Variants in SGCD observed in about 807,000 individuals in gnomAD.
SGCD encodes delta-sarcoglycan.
Under a neutral mutation model 36.6 loss-of-function variants are expected in SGCD, and 18 were observed. The ratio of observed to expected loss-of-function variants is 0.49; its 90% CI spans 0.34 to 0.73. The LOEUF (loss-of-function observed/expected upper bound fraction) is 0.73, where lower values mean the gene tolerates loss of function less well. SGCD is among the 30% of genes least tolerant of loss of function. The pLI is 0.01. For synonymous variants in SGCD, 133 were observed against 130.6 expected, an observed-to-expected ratio of 1.02 and a Z score of -0.12; for missense variants, 387 against 346.7, an observed-to-expected ratio of 1.12 and a Z score of -0.92.
At chr5:155,958,744 G>A (rs1757719423) in intron 1 of SGCD, among the ~76,000 whole-genome samples, 1 of 152,138 alleles carries the variant, frequency 6.6e-6, no homozygotes, top group Non-Finnish European at 1.5e-5. Context: ...CTTCATCTGT[G>A]AGATGGGGAT....
chr5:156,254,839 C>A (rs1765675323), intron 3 of SGCD, among the ~76,000 whole-genome samples: 1 of 152,022 alleles, frequency 6.6e-6, no homozygotes, highest in South Asian at 2.1e-4. Flanking sequence ...ACAGCAAGAC[C>A]CTGCCTCTTA....
chr5:155,836,114 T>C, the SGCD span, among the ~76,000 whole-genome samples: 2 of 152,218 alleles, frequency 1.3e-5, no homozygotes, highest in Non-Finnish European at 2.9e-5. Context: ...TACTTCAGTT[T>C]CCCTTGCTCA....
intron 3 of SGCD, among the ~76,000 whole-genome samples, chr5:156,407,767 G>C (rs1270713468): frequency 6.6e-6 from 1 of 152,096 alleles, no homozygotes; most frequent in Non-Finnish European, 1.5e-5. Context: ...TTCTCTCACA[G>C]GTATATGATT....
the SGCD span, among the ~76,000 whole-genome samples, chr5:155,839,047 G>C: frequency 6.6e-6 from 1 of 152,038 alleles, no homozygotes; most frequent in East Asian, 1.9e-4. Context: ...TAGGGAAAGA[G>C]GTGGGTAGGA....
the SGCD span, among the ~76,000 whole-genome samples, chr5:155,858,416 C>T: frequency 6.6e-6 from 1 of 152,128 alleles, no homozygotes; most frequent in East Asian, 1.9e-4. Flanking sequence ...ACTCAGAAAA[C>T]TTGTTTTAAA....
At chr5:156,477,667 A>C (rs1755242391) in intron 3 of SGCD, among the ~76,000 whole-genome samples, 1 of 142,058 alleles carries the variant, frequency 7.0e-6, no homozygotes, top group Non-Finnish European at 1.5e-5. Context: ...TAGACAACAC[A>C]GCTTAAAAGT....
chr5:156,672,413 G>C (rs1284206284), intron 7 of SGCD, among the ~76,000 whole-genome samples: 1 of 152,086 alleles, frequency 6.6e-6, no homozygotes, highest in African/African-American at 2.4e-5. Context: ...TTCTCACAGA[G>C]ACCTAAACAA....
chr5:156,026,179 CTTG>C (rs1256943878), intron 1 of SGCD, among the ~76,000 whole-genome samples: 1 of 152,164 alleles, frequency 6.6e-6, no homozygotes, highest in Non-Finnish European at 1.5e-5. Flanking sequence ...GCAAAAAATA[CTTG>C]TTGTTAGATT....
chr5:155,879,302 A>G (rs1031162300), intron 1 of SGCD, among the ~76,000 whole-genome samples: 35 of 152,176 alleles, frequency 2.3e-4, no homozygotes, highest in Non-Finnish European at 3.1e-4. Flanking sequence ...TAAAACTGTA[A>G]TGCATTTTGT....
intron 3 of SGCD, among the ~76,000 whole-genome samples, chr5:156,126,617 G>A (rs1468298514): frequency 1.3e-5 from 2 of 152,224 alleles, no homozygotes; most frequent in African/African-American, 4.8e-5. Flanking sequence ...AAATGAGGCA[G>A]TGTTGGTACT....
chr5:155,959,414 A>G (rs1378233300), intron 1 of SGCD, among the ~76,000 whole-genome samples: 1 of 152,118 alleles, frequency 6.6e-6, no homozygotes, highest in African/African-American at 2.4e-5. Flanking sequence ...ATTTCCTAGT[A>G]GGTCCCAAAC....
chr5:156,674,982 C>T (rs1753450735), intron 7 of SGCD, among the ~76,000 whole-genome samples: 1 of 152,054 alleles, frequency 6.6e-6, no homozygotes, highest in Non-Finnish European at 1.5e-5. Flanking sequence ...TCTTGTTTGC[C>T]ATAATGAAAA....
chr5:156,184,349 G>A (rs1319638879), intron 3 of SGCD, among the ~76,000 whole-genome samples: 1 of 148,868 alleles, frequency 6.7e-6, no homozygotes, highest in Non-Finnish European at 1.5e-5. Context: ...GTGGGGATAT[G>A]AGGAAGGCTG....
intron 1 of SGCD, among the ~76,000 whole-genome samples, chr5:156,088,048 C>T (rs141816077): frequency 6.6e-6 from 1 of 152,290 alleles, no homozygotes; most frequent in Non-Finnish European, 1.5e-5. Flanking sequence ...TCGCTTGCAG[C>T]CATCCCCCTT....
chr5:156,108,231 A>G (rs1034912352), intron 1 of SGCD, among the ~76,000 whole-genome samples: 1 of 152,126 alleles, frequency 6.6e-6, no homozygotes, highest in Non-Finnish European at 1.5e-5. Context: ...TGTTAATTAA[A>G]AAAATTTAAA....
At chr5:155,888,360 C>T (rs1756052288) in intron 1 of SGCD, among the ~76,000 whole-genome samples, 1 of 152,180 alleles carries the variant, frequency 6.6e-6, no homozygotes, top group Admixed American at 6.5e-5. Flanking sequence ...CCAGTATTCT[C>T]ATGTTCCTGT....
At chr5:156,620,698 G>A (rs1762210264) in intron 6 of SGCD, among the ~76,000 whole-genome samples, 1 of 152,204 alleles carries the variant, frequency 6.6e-6, no homozygotes, top group Admixed American at 6.5e-5. Context: ...GACAGAGGAG[G>A]TGGAATGAGC....
intron 3 of SGCD, among the ~76,000 whole-genome samples, chr5:156,153,117 G>A (rs960241901): frequency 2.0e-5 from 3 of 151,696 alleles, no homozygotes; most frequent in African/African-American, 7.3e-5. Flanking sequence ...TTGTTCAAAC[G>A]TTTCAAACCA....
rs568095603 is a variant in SGCD at position 156,075,847 on chromosome 5, T to G, written c.-281-42031T>G. ...AGAGTCCATTGGATCATCTTCATCATTTTCTACTTGCAGCTCATCTCCAGA... is the reference window on the plus strand; with the variant it reads ...AGAGTCCATTGGATCATCTTCATCAGTTTCTACTTGCAGCTCATCTCCAGA... On this transcript the variant is annotated intron_variant, in intron 1 of 9. Transcript: ENST00000517913. Among the ~76,000 whole-genome samples, 4 of 152,328 alleles carry G rather than the reference T, an allele frequency of 2.6e-5. No individual in the cohort carries two copies. The East Asian group carries it at 7.7e-4, about 29-fold the overall frequency.
Sources: gnomAD v4.1 joint callset for allele counts (sites outside exome capture counted in the v4.1 genomes callset) on GRCh38, gnomAD v4.1.1 for gene constraint, MANE v1.5 for transcripts, NCBI Gene and HGNC (gene_info 2026-07-23, HGNC 2026-07-21) for gene names.